BTNL9: variants seen among roughly 807,000 people sequenced by gnomAD.
BTNL9 encodes butyrophilin like 9.
Under a neutral mutation model 45.8 loss-of-function variants are expected in BTNL9, and 45 were observed. That is an observed-to-expected ratio of 0.98 (90% CI 0.77 to 1.26). The LOEUF (loss-of-function observed/expected upper bound fraction) is 1.26, where lower values mean the gene tolerates loss of function less well. Ranked by LOEUF, BTNL9 falls within the 50% of genes most tolerant of loss-of-function variation. BTNL9 has a pLI of 0.00. For missense variants in BTNL9, 784 were observed against 729.7 expected, an observed-to-expected ratio of 1.07 and a Z score of -0.86; for synonymous variants, 346 against 330.8, an observed-to-expected ratio of 1.05 and a Z score of -0.50.
At chr5:181,058,541 CAT>C (rs1335481603) in intron 10 of BTNL9, among the ~76,000 whole-genome samples, 163 bp downstream of exon 10, 6 of 152,188 alleles carry the variant, frequency 3.9e-5, no homozygotes, top group Admixed American at 2.6e-4. Context: ...CCACACGACA[CAT>C]ATGCCTGCAT....
chr5:181,053,865 G>T lies in BTNL9; in HGVS notation c.886+364G>T. On this transcript the variant is annotated intron_variant, in intron 6 of 10. Coordinates refer to ENST00000327705, the MANE Select transcript of BTNL9 (RefSeq NM_152547.5). This position sits in a 1 kb window ranked among gnomAD's most constrained non-coding sequence, Gnocchi z 6.5. ...AGCGCACAGGGAGTCGGGCGGATGC[G>T]CAACATCTCCGCACAGGGTCAGGAA... 1.3e-6 allele frequency: 2 copies of T among 1,504,740 alleles called. No individual in the cohort carries two copies. The highest frequency in any genetic ancestry group is 1.8e-6 in the Non-Finnish European group (2 of 1,127,044). 93.2% of individuals were successfully genotyped at this position (1,504,740 alleles called of 1,614,324 possible). A position where few individuals can be genotyped will look rare whatever the true frequency, so the allele number is the denominator to read the frequency against.
rs764049923 is a variant in BTNL9 at position 181,059,728 on chromosome 5, G to A, written c.1474G>A (p.Asp492Asn). The change falls in exon 11 of 11, where the codon GAC becomes AAC. Residue 492 changes from aspartate to asparagine, a missense_variant. Physicochemically the swap from Asp to Asn is conservative, Grantham distance 23. Transcript: ENST00000327705. ...TGCGTACTTCAGGCCCAGGGCCCAC[G>A]ACGGCGGCGAACATCCGGATCCCCT... ...LCAYFRPRAH[D>N]GGEHPDPLTI... is the part of the protein sequence containing the mutation. 22 of 1,613,250 alleles carry A rather than the reference G, an allele frequency of 1.4e-5. No homozygotes were observed. The highest frequency in any genetic ancestry group is 1.8e-5 in the Non-Finnish European group (21 of 1,179,952).
chr5:181,059,119 A>T, intron 10 of BTNL9, 118 bp from the exon 11 acceptor site: 3 of 1,399,226 alleles, frequency 2.1e-6, no homozygotes, highest in Non-Finnish European at 2.8e-6. Context: ...GGTCGGGGTA[A>T]GGGGTTCATT....
chr5:181,053,179 G>GC lies in BTNL9; in HGVS notation c.737-16dup. The GC allele has an allele frequency of 6.4e-7, 1 of 1,562,824 alleles. No individual in the cohort carries two copies. The highest frequency in any genetic ancestry group is 8.7e-7 in the Non-Finnish European group (1 of 1,154,230). On this transcript the variant is annotated intron_variant, in intron 4 of 10. Transcript: ENST00000327705. The surrounding 1 kb of genome is among the most constrained non-coding windows in gnomAD (Gnocchi z 6.5). ...GCTCAGCGGCGCCTGGACCGACACG[G>GC]CCCCCGCGGGTGTTTTCCAGACGTG...
chr5:181,054,463 C>T (rs1761771208), intron 7 of BTNL9: 2 of 985,332 alleles, frequency 2.0e-6, no homozygotes, highest in African/African-American at 3.5e-5. Context: ...CTGCACAGAC[C>T]CTGCCAGCTC....
chr5:181,056,237 A>T (rs1018899639), intron 9 of BTNL9, among the ~76,000 whole-genome samples: 9 of 150,334 alleles, frequency 6.0e-5, no homozygotes, highest in African/African-American at 1.7e-4. Context: ...AGTTACCTCG[A>T]CTCCTGGTGC....
intron 1 of BTNL9, 92 bp from the exon 2 acceptor site, chr5:181,045,375 C>A: frequency 1.4e-6 from 1 of 691,430 alleles, no homozygotes; most frequent in Admixed American, 2.3e-5. Flanking sequence ...ACAAAAATAA[C>A]TGAGGCCACA....
Position 181,059,367 on chromosome 5 carries a change from G to T in BTNL9, c.1113G>T (p.Thr371=). The change falls in exon 11 of 11, where the codon ACG becomes ACT. Residue 371 remains threonine, a synonymous_variant. Coordinates refer to ENST00000327705, the MANE Select transcript of BTNL9 (RefSeq NM_152547.5). ...PGHPQRFSEQ[T]CALSLERFSA... ...ACCCGCAGCGGTTCTCGGAGCAGAC[G>T]TGCGCGCTGAGCCTGGAGCGGTTCT... 1 of 1,538,830 alleles carries T rather than the reference G, an allele frequency of 6.5e-7. No individual in the cohort carries two copies. The highest frequency in any genetic ancestry group is 1.2e-5 in the South Asian group (1 of 83,706).
intron 2 of BTNL9, 66 bp from the exon 3 acceptor site, chr5:181,047,861 G>C: frequency 7.5e-7 from 1 of 1,331,132 alleles, no homozygotes; most frequent in Non-Finnish European, 1.0e-6. Context: ...AGCTATAAAG[G>C]GGTGTGATAA....
At position 181,050,013 on chromosome 5, in the gene BTNL9, T is replaced by C; in HGVS notation, c.455-75T>C. ...GATGCTTTATGGTGACTGCAAATGC[T>C]GAACAGTGGCAGGAATGTTATGCGT... On this transcript the variant is annotated intron_variant, in intron 3 of 10. Transcript: ENST00000327705. The surrounding 1 kb of genome is among the most constrained non-coding windows in gnomAD (Gnocchi z 4.9). The C allele has an allele frequency of 6.5e-7, 1 of 1,528,692 alleles. No individual in the cohort carries two copies. Among genetic ancestry groups the C allele is most frequent in the South Asian group, 1.3e-5 (1 of 79,768 alleles). 94.7% of individuals were successfully genotyped at this position (1,528,692 alleles called of 1,614,324 possible). A position where few individuals can be genotyped will look rare whatever the true frequency, so the allele number is the denominator to read the frequency against.
Position 181,042,103 on chromosome 5 carries a change from CAA to C in BTNL9, c.-24+1672_-24+1673del, listed in dbSNP as rs1760802703. Among the ~76,000 whole-genome samples the C allele has an allele frequency of 6.6e-6, 1 of 151,906 alleles. No individual in the cohort carries two copies. The highest frequency in any genetic ancestry group is 2.4e-5 in the African/African-American group (1 of 41,350). On this transcript the variant is annotated intron_variant, in intron 1 of 10. Transcript: ENST00000327705. This position sits in a 1 kb window ranked among gnomAD's most constrained non-coding sequence, Gnocchi z 4.5. ...GGGCGGGCTGGGGGCAATGAGAGAG[CAA>C]GAAGAAAAGAAAAATAAAAAGAGAA...
At position 181,050,552 on chromosome 5, in the gene BTNL9, CCAAA is replaced by C. The variant is rs1271594854; in HGVS notation, c.736+186_736+189del. 2.6e-5 allele frequency among the ~76,000 whole-genome samples: 4 copies of C among 152,268 alleles called. No homozygotes were observed. The highest frequency in any genetic ancestry group is 2.1e-4 in the South Asian group (1 of 4,820). On this transcript the variant is annotated intron_variant, in intron 4 of 10. Transcript: ENST00000327705. This position sits in a 1 kb window ranked among gnomAD's most constrained non-coding sequence, Gnocchi z 4.9. ...ACACACTAAGAACGCTACTGAGAACCCAAACAGTCAGTGAGAGAGGCCCCAGAGA... is the reference window on the plus strand; with the variant it reads ...ACACACTAAGAACGCTACTGAGAACCCAGTCAGTGAGAGAGGCCCCAGAGA...
In BTNL9 at chr5:181,053,101, T is replaced by G; in HGVS notation, c.737-99T>G. 1 of 1,053,584 alleles carries G rather than the reference T, an allele frequency of 9.5e-7. No individual in the cohort carries two copies. Among genetic ancestry groups the G allele is most frequent in the South Asian group, 1.5e-5 (1 of 65,752 alleles). 65.3% of individuals were successfully genotyped at this position (1,053,584 alleles called of 1,614,324 possible). A position where few individuals can be genotyped will look rare whatever the true frequency, so the allele number is the denominator to read the frequency against. On this transcript the variant is annotated intron_variant, in intron 4 of 10. Transcript: ENST00000327705. This position sits in a 1 kb window ranked among gnomAD's most constrained non-coding sequence, Gnocchi z 6.5. The stretch of plus-strand genomic sequence containing the variant: ...CGGCTGCGGTGGCGCCCGGAGAAGG[T>G]CCCGCGGGAGGTTTCCCGGCACGCG...
intron 1 of BTNL9, among the ~76,000 whole-genome samples, chr5:181,044,740 G>A (rs574517742): frequency 6.6e-6 from 1 of 152,292 alleles, no homozygotes; most frequent in African/African-American, 2.4e-5. Flanking sequence ...GGAGTGAGGG[G>A]GTAGCCCTTG....
chr5:181,047,695 G>A (rs1247960259), intron 2 of BTNL9, among the ~76,000 whole-genome samples: 1 of 152,314 alleles, frequency 6.6e-6, no homozygotes, highest in Non-Finnish European at 1.5e-5. Flanking sequence ...CCAGTTACCA[G>A]CTCAGCACCA....
In BTNL9 at chr5:181,059,684, CCTT is replaced by C. The variant is rs1427413158; in HGVS notation, c.1433_1435del (p.Phe478del). 5.0e-6 allele frequency: 8 copies of C among 1,613,618 alleles called. No homozygotes were observed. The highest frequency in any genetic ancestry group is 4.4e-5 in the South Asian group (4 of 91,086). On this transcript the variant is annotated inframe_deletion, in exon 11 of 11. Transcript: ENST00000327705. ...TCCCACATCTTCACCTTCCACGACA[CCTT>C]CTCGGGCGCGCTCTGTGCGTACTTC... is the stretch of plus-strand genomic sequence containing the variant.
At position 181,053,385 on chromosome 5, in the gene BTNL9, C is replaced by T; in HGVS notation, c.853+69C>T. On this transcript the variant is annotated intron_variant, in intron 5 of 10. Coordinates refer to ENST00000327705, the MANE Select transcript of BTNL9 (RefSeq NM_152547.5). This position sits in a 1 kb window ranked among gnomAD's most constrained non-coding sequence, Gnocchi z 6.5. ...CTGAACCCCGGGGCCGCGGAGGCGC[C>T]TCCCCCCAGGACGCGGCGCGGGAAG... 1 of 1,519,016 alleles carries T rather than the reference C, an allele frequency of 6.6e-7. No individual in the cohort carries two copies. Among genetic ancestry groups the T allele is most frequent in the South Asian group, 1.3e-5 (1 of 79,422 alleles). The allele number at this position is 1,519,016 out of a possible 1,614,324, so 94.1% of individuals were successfully genotyped here.
Position 181,055,652 on chromosome 5 carries a change from C to T in BTNL9, c.928+199C>T. 1.4e-6 allele frequency: 1 copy of T among 706,224 alleles called. No homozygotes were observed. The allele number at this position is 706,224 out of a possible 1,614,324, so 43.7% of individuals were successfully genotyped here. The stretch of plus-strand genomic sequence containing the variant: ...GGCGTGGCGGCATGTGCCTGTAGTC[C>T]CAGCTACATGGGAGGCTGAGGCAGG... On this transcript the variant is annotated intron_variant, in intron 8 of 10. Transcript: ENST00000327705. The surrounding 1 kb of genome is among the most constrained non-coding windows in gnomAD (Gnocchi z 4.4).
intron 2 of BTNL9, among the ~76,000 whole-genome samples, chr5:181,045,811 T>C (rs1446600801): frequency 1.5e-5 from 2 of 129,944 alleles, no homozygotes; most frequent in African/African-American, 3.1e-5. Flanking sequence ...CGACACCTCC[T>C]CCACCATCTC....
Sources: allele counts gnomAD v4.1 joint callset (sites outside exome capture counted in the v4.1 genomes callset), GRCh38; gene constraint gnomAD v4.1.1; non-coding constraint Gnocchi (gnomAD v3.1); transcripts MANE v1.5; gene names NCBI Gene and HGNC (gene_info 2026-07-23, HGNC 2026-07-21).